Variants in ARHGAP32 observed in about 807,000 individuals in gnomAD.
ARHGAP32 encodes rho GTPase-activating protein 32.
A neutral mutation model predicts 186.5 loss-of-function variants in ARHGAP32; 51 were observed. The ratio of observed to expected loss-of-function variants is 0.27; its 90% confidence interval spans 0.22 to 0.35. The LOEUF is 0.35. Ranked by LOEUF, ARHGAP32 falls within the 10% of genes least tolerant of loss-of-function variation. The pLI is 1.00. For missense variants in ARHGAP32, 2,186 were observed against 2,623.5 expected (o/e 0.83, Z 3.64); for synonymous variants, 950 against 964.3 (o/e 0.99, Z 0.27).
chr11:129,114,508 T>G (rs946245463), intron 5 of ARHGAP32, among the ~76,000 whole-genome samples: 2 of 152,124 alleles, frequency 1.3e-5, no homozygotes, highest in African/African-American at 4.8e-5. Flanking sequence ...ATACAAGATA[T>G]TCAATAAAAC....
chr11:129,122,995 T>A (rs1210101556), intron 5 of ARHGAP32, among the ~76,000 whole-genome samples: 1 of 152,168 alleles, frequency 6.6e-6, no homozygotes, highest in East Asian at 1.9e-4. Context: ...TGTAGGTTGA[T>A]GTCAAGTTAG....
intron 12 of ARHGAP32, among the ~76,000 whole-genome samples, chr11:128,990,485 G>C (rs924907242): frequency 2.0e-5 from 3 of 152,150 alleles, no homozygotes; most frequent in Non-Finnish European, 2.9e-5. Flanking sequence ...AGTTAGCAGG[G>C]AAGGAACCTT....
chr11:129,110,352 A>C (rs550269119), intron 5 of ARHGAP32, among the ~76,000 whole-genome samples: 1 of 152,238 alleles, frequency 6.6e-6, no homozygotes, highest in Admixed American at 6.5e-5. Flanking sequence ...TGCCCTTGTC[A>C]TATTTTGAAG....
At chr11:129,048,450 T>C (rs1370361569) in intron 10 of ARHGAP32, among the ~76,000 whole-genome samples, 1 of 151,502 alleles carries the variant, frequency 6.6e-6, no homozygotes, top group Non-Finnish European at 1.5e-5. Context: ...ATACTAATGA[T>C]AGTTTAAGTA....
At chr11:129,094,830 A>G (rs1402689651) in intron 5 of ARHGAP32, among the ~76,000 whole-genome samples, 3 of 152,210 alleles carry the variant, frequency 2.0e-5, no homozygotes, top group African/African-American at 7.2e-5. Flanking sequence ...ATAATTTGCA[A>G]TGTAATATTG....
intron 10 of ARHGAP32, among the ~76,000 whole-genome samples, chr11:129,043,445 G>A (rs936052705): frequency 4.4e-5 from 6 of 136,496 alleles, no homozygotes; most frequent in South Asian, 2.4e-4. Context: ...GAAGTGCAAC[G>A]ACGCGACCTC....
At chr11:128,989,515 T>TAC (rs1555065707) in intron 12 of ARHGAP32, among the ~76,000 whole-genome samples, 10,755 of 87,140 alleles carry the variant, frequency 0.12, 519 homozygotes, top group Non-Finnish European at 0.15. Context: ...TGTTTTTTAT[T>TAC]TCACACACAC....
chr11:129,232,469 C>T (rs1383898977), intron 1 of ARHGAP32, among the ~76,000 whole-genome samples: 3 of 152,108 alleles, frequency 2.0e-5, no homozygotes, highest in Non-Finnish European at 2.9e-5. Flanking sequence ...TCAAGGAAAA[C>T]AACTGGCGTT....
intron 1 of ARHGAP32, among the ~76,000 whole-genome samples, chr11:129,218,450 T>TCA (rs35319976): frequency 6.6e-6 from 1 of 151,390 alleles, no homozygotes; most frequent in Non-Finnish European, 1.5e-5. Context: ...GCAGCTAATC[T>TCA]CACACACACA....
At chr11:129,154,137 CA>C in intron 2 of ARHGAP32, among the ~76,000 whole-genome samples, 1 of 152,224 alleles carries the variant, frequency 6.6e-6, no homozygotes, top group Admixed American at 6.5e-5. Context: ...AAATGCTCCA[CA>C]TTACTAATTA....
intron 1 of ARHGAP32, among the ~76,000 whole-genome samples, chr11:129,215,255 G>C (rs768460519): frequency 6.6e-6 from 1 of 152,098 alleles, no homozygotes; most frequent in African/African-American, 2.4e-5. Flanking sequence ...GGGTTTTGGT[G>C]CCTCAGTTTA....
intron 6 of ARHGAP32, among the ~76,000 whole-genome samples, chr11:129,085,524 C>T (rs940687380): frequency 6.6e-6 from 1 of 152,118 alleles, no homozygotes; most frequent in Non-Finnish European, 1.5e-5. Flanking sequence ...TGTCAAGATG[C>T]CAGTTCTTCC....
At chr11:129,098,808 T>C (rs1287766645) in intron 5 of ARHGAP32, among the ~76,000 whole-genome samples, 2 of 152,220 alleles carry the variant, frequency 1.3e-5, no homozygotes, top group East Asian at 3.8e-4. Flanking sequence ...TGTAATTTTG[T>C]GATAATCAAC....
chr11:129,079,995 A>C lies in ARHGAP32; in HGVS notation c.532-13127T>G, dbSNP rs557866095. 1.3e-4 allele frequency among the ~76,000 whole-genome samples: 20 copies of C among 152,356 alleles called. No homozygotes were observed. The South Asian group carries it at 2.3e-3, about 17-fold the overall frequency. ...ACAAACTTTAATGTAAGAACAGTTTAAAAAGACAAAGAGCGACATTATATA... is the reference window on the plus strand; with the variant it reads ...ACAAACTTTAATGTAAGAACAGTTTCAAAAGACAAAGAGCGACATTATATA... On this transcript the variant is annotated intron_variant, in intron 6 of 22. Transcript: ENST00000682385.
chr11:129,131,389 C>T (rs188456103), intron 2 of ARHGAP32, among the ~76,000 whole-genome samples: 12 of 151,758 alleles, frequency 7.9e-5, no homozygotes, highest in South Asian at 2.1e-4. Context: ...ATGATAACTA[C>T]GGAAACAATG....
rs187498373 is a variant in ARHGAP32 at position 128,979,597 on chromosome 11, T to G, written c.1977-682A>C. On this transcript the variant is annotated intron_variant, in intron 18 of 22. Transcript: ENST00000682385. ...TTGAGTAAATTATGGAACTAGAATA[T>G]AAAATCAAGATGCTAAAGACAAACT... Among the ~76,000 whole-genome samples the G allele has an allele frequency of 3.8e-3, 577 of 152,290 alleles. 10 individuals are homozygous for G. Among genetic ancestry groups the G allele is most frequent in the South Asian group, 0.023 (109 of 4,826 alleles).
intron 2 of ARHGAP32, among the ~76,000 whole-genome samples, chr11:129,140,612 T>A (rs541066674): frequency 6.6e-6 from 1 of 152,154 alleles, no homozygotes; most frequent in Non-Finnish European, 1.5e-5. Flanking sequence ...CAGGACCCCA[T>A]TGAATGCAAT....
intron 1 of ARHGAP32, among the ~76,000 whole-genome samples, chr11:129,277,111 A>G (rs569234083): frequency 2.7e-4 from 41 of 152,368 alleles, no homozygotes; most frequent in African/African-American, 9.9e-4. Flanking sequence ...CATTTATTAC[A>G]TGCGTCTACG....
At chr11:129,111,587 A>G (rs1441439697) in intron 5 of ARHGAP32, among the ~76,000 whole-genome samples, 1 of 152,062 alleles carries the variant, frequency 6.6e-6, no homozygotes, top group Non-Finnish European at 1.5e-5. Flanking sequence ...CCTTATTGGT[A>G]TGTTCCGGTT....
Sources: gnomAD v4.1 joint callset for allele counts (sites outside exome capture counted in the v4.1 genomes callset) on GRCh38, gnomAD v4.1.1 for gene constraint, MANE v1.5 for transcripts, NCBI Gene and HGNC (gene_info 2026-07-23, HGNC 2026-07-21) for gene names.